Variants in HMCN1 observed in about 807,000 individuals in gnomAD.
The protein encoded by HMCN1 is hemicentin 1, also known as hemicentin-1.
A neutral mutation model predicts 625.9 loss-of-function variants in HMCN1; 321 were observed. The ratio of observed to expected loss-of-function variants is 0.51; its 90% CI spans 0.47 to 0.56. The LOEUF is 0.56. Ranked by LOEUF, HMCN1 falls within the 20% of genes least tolerant of loss-of-function variation. The pLI is 0.00. For missense variants in HMCN1, 6,588 were observed against 6,887.3 expected (o/e 0.96, Z 1.54); for synonymous variants, 2,425 against 2,417.6 (o/e 1.00, Z -0.09).
chr1:186,145,486 T>G lies in HMCN1; in HGVS notation c.14350T>G (p.Cys4784Gly), dbSNP rs1487043471. Reference protein sequence around the residue: ...NGGQMRRYRTCDNPPPSNGGR... With the variant: ...NGGQMRRYRTGDNPPPSNGGR... Reference sequence around the variant, plus strand: ...AGGGCAGATGCGGCGGTACCGCACATGTGATAACCCTCCTCCCTCCAATGG... The same window carrying G: ...AGGGCAGATGCGGCGGTACCGCACAGGTGATAACCCTCCTCCCTCCAATGG... Residue 4784 changes from cysteine (C) to glycine (G), a missense_variant, in exon 92 of 107, where the codon TGT becomes GGT. By Grantham distance (159) the Cys-to-Gly change is radical. Around this residue, in one of 3 missense-constraint regions of HMCN1, gnomAD observed 1,954 missense variants for 2,013.1 expected, o/e 0.97. Coordinates refer to ENST00000271588, the MANE Select transcript of HMCN1 (RefSeq NM_031935.3). The G allele has an allele frequency of 3.7e-6, 6 of 1,613,842 alleles. No individual in the cohort carries two copies. Among genetic ancestry groups the G allele is most frequent in the Non-Finnish European group, 5.1e-6 (6 of 1,179,890 alleles).
intron 1 of HMCN1, among the ~76,000 whole-genome samples, chr1:185,800,380 C>T (rs1031245887): frequency 1.8e-4 from 27 of 152,268 alleles, no homozygotes; most frequent in African/African-American, 5.8e-4. Flanking sequence ...GTGCTAGCCA[C>T]ACCTAGTCAG....
intron 11 of HMCN1, among the ~76,000 whole-genome samples, chr1:185,936,584 A>C (rs1407064819): frequency 6.6e-6 from 1 of 152,102 alleles, no homozygotes. Context: ...TCTCATACTC[A>C]TTAATAGCTC....
At chr1:186,101,145 A>G (rs937738898) in intron 68 of HMCN1, among the ~76,000 whole-genome samples, 1 of 152,072 alleles carries the variant, frequency 6.6e-6, no homozygotes, top group African/African-American at 2.4e-5. Context: ...AATTTTGGGT[A>G]GGCACCTACA....
intron 67 of HMCN1, 98 bp from the exon 68 acceptor site, chr1:186,095,145 A>T (rs995266549): frequency 2.4e-6 from 3 of 1,234,474 alleles, no homozygotes; most frequent in Non-Finnish European, 1.2e-6. Flanking sequence ...ATTTTTATCA[A>T]CCACAGAAAC....
At chr1:186,137,381 C>A (rs1170498698) in intron 87 of HMCN1, 117 bp from the exon 88 acceptor site, 3 of 1,178,700 alleles carry the variant, frequency 2.5e-6, no homozygotes, top group Non-Finnish European at 3.7e-6. Context: ...AGCTTCCATA[C>A]GCTATTTCTC....
At chr1:185,903,852 G>C (rs1002406152) in intron 4 of HMCN1, among the ~76,000 whole-genome samples, 1 of 151,738 alleles carries the variant, frequency 6.6e-6, no homozygotes, top group Non-Finnish European at 1.5e-5. Flanking sequence ...TGCAAGTCTA[G>C]AACACTTGTG....
chr1:185,782,003 G>A (rs1176697651), intron 1 of HMCN1, among the ~76,000 whole-genome samples: 1 of 152,142 alleles, frequency 6.6e-6, no homozygotes, highest in Non-Finnish European at 1.5e-5. Flanking sequence ...AGGTCTCTAA[G>A]GACTTGTTTT....
intron 100 of HMCN1, 108 bp downstream of exon 100, chr1:186,167,050 C>T: frequency 7.3e-7 from 1 of 1,371,238 alleles, no homozygotes; most frequent in African/African-American, 1.4e-5. Context: ...GAAGGGACCA[C>T]ATAAAAGGGA....
chr1:185,813,652 G>A (rs1176789230), intron 1 of HMCN1, among the ~76,000 whole-genome samples: 2 of 152,060 alleles, frequency 1.3e-5, no homozygotes, highest in Non-Finnish European at 2.9e-5. Context: ...AATCCTAGTA[G>A]AAACTTTTAT....
intron 55 of HMCN1, among the ~76,000 whole-genome samples, chr1:186,080,761 A>G (rs968281877): frequency 6.6e-6 from 1 of 152,152 alleles, no homozygotes. Context: ...TTCCTTTCCA[A>G]ATAAGGCCAA....
At chr1:186,022,954 T>C in intron 35 of HMCN1, 76 bp from the exon 36 acceptor site, 1 of 1,401,694 alleles carries the variant, frequency 7.1e-7, no homozygotes, top group Non-Finnish European at 1.0e-6. Flanking sequence ...TTTAAATGAA[T>C]TTTTCTGTCT....
At chr1:185,979,805 T>G (rs1189106882) in intron 16 of HMCN1, among the ~76,000 whole-genome samples, 6 of 152,212 alleles carry the variant, frequency 3.9e-5, no homozygotes, top group Non-Finnish European at 8.8e-5. Flanking sequence ...GCTGGAAAGC[T>G]GCACTTTTCT....
intron 105 of HMCN1, among the ~76,000 whole-genome samples, chr1:186,187,272 T>G (rs1370861292): frequency 6.6e-6 from 1 of 152,128 alleles, no homozygotes; most frequent in Non-Finnish European, 1.5e-5. Flanking sequence ...CAGATCAAGG[T>G]GAACTGCTCC....
chr1:186,053,223 C>T, intron 43 of HMCN1, 149 bp downstream of exon 43: 1 of 702,164 alleles, frequency 1.4e-6, no homozygotes, highest in Non-Finnish European at 2.4e-6. Context: ...ATTAAATGTG[C>T]AACATGTGAT....
chr1:186,147,761 T>G (rs1650412019), intron 93 of HMCN1, among the ~76,000 whole-genome samples: 1 of 151,856 alleles, frequency 6.6e-6, no homozygotes, highest in African/African-American at 2.4e-5. Context: ...ACAATGCACA[T>G]ACTTTAATTT....
At chr1:186,110,473 A>G (rs2102462225) in intron 71 of HMCN1, among the ~76,000 whole-genome samples, 1 of 152,350 alleles carries the variant, frequency 6.6e-6, no homozygotes, top group East Asian at 1.9e-4. Context: ...AGGTACAAAT[A>G]AAGTTGTATC....
intron 95 of HMCN1, among the ~76,000 whole-genome samples, 192 bp from the exon 96 acceptor site, chr1:186,152,558 T>A (rs966334776): frequency 6.6e-6 from 1 of 152,192 alleles, no homozygotes; most frequent in Non-Finnish European, 1.5e-5. Context: ...AAAAGAAATG[T>A]TAAAAGAAAC....
Position 186,112,918 on chromosome 1 carries a change from G to A in HMCN1, c.11096G>A (p.Gly3699Glu). 1.9e-6 allele frequency: 3 copies of A among 1,614,058 alleles called. No individual in the cohort carries two copies. Among genetic ancestry groups the A allele is most frequent in the Non-Finnish European group, 2.5e-6 (3 of 1,179,988 alleles). The stretch of plus-strand genomic sequence containing the variant: ...ACCTGTGTTGCCAGCAACATTGCAG[G>A]AAAGACTACAAGAGAATTTATTCTC... ...NYTCVASNIA[G>E]KTTREFILTV... Residue 3699 changes from glycine (G) to glutamate (E), a missense_variant, in exon 72 of 107, where the codon GGA becomes GAA. Gly to Glu is a moderately conservative substitution (Grantham distance 98, BLOSUM62 -2). Around this residue, in one of 3 missense-constraint regions of HMCN1, gnomAD observed 4,628 missense variants for 4,853.1 expected, o/e 0.95. Transcript: ENST00000271588.
intron 36 of HMCN1, among the ~76,000 whole-genome samples, chr1:186,024,500 T>C (rs941859256): frequency 2.0e-5 from 3 of 152,144 alleles, no homozygotes; most frequent in African/African-American, 7.2e-5. Context: ...CTGGTCTCTG[T>C]TACTGGCTAA....
Sources: gnomAD v4.1 joint callset for allele counts (sites outside exome capture counted in the v4.1 genomes callset) on GRCh38, gnomAD v4.1.1 for gene constraint, gnomAD v4.1.1 regional missense constraint, MANE v1.5 for transcripts, NCBI Gene and HGNC (gene_info 2026-07-23, HGNC 2026-07-21) for gene names.